Variants in GPC5 observed in about 807,000 individuals in gnomAD.
The protein encoded by GPC5 is glypican-5.
Under a neutral mutation model 53.9 loss-of-function variants are expected in GPC5, and 47 were observed. That is an observed-to-expected ratio of 0.87 (90% CI 0.69 to 1.11). The LOEUF (loss-of-function observed/expected upper bound fraction) is 1.11. GPC5 is among the 50% of genes most tolerant of loss of function. GPC5 has a pLI of 0.00. For missense variants in GPC5, 748 were observed against 713.1 expected, an observed-to-expected ratio of 1.05 and a Z score of -0.56; for synonymous variants, 286 against 263.3, an observed-to-expected ratio of 1.09 and a Z score of -0.84.
intron 3 of GPC5, among the ~76,000 whole-genome samples, chr13:91,712,597 C>T (rs1322942077): frequency 6.6e-6 from 1 of 152,028 alleles, no homozygotes; most frequent in East Asian, 1.9e-4. Flanking sequence ...GATAGAGTGT[C>T]CTTCATTCAC....
intron 7 of GPC5, among the ~76,000 whole-genome samples, chr13:92,404,901 A>G (rs1000118839): frequency 2.7e-5 from 4 of 150,400 alleles, no homozygotes; most frequent in African/African-American, 9.8e-5. Context: ...GTAAATGTAT[A>G]GACAATCCTC....
chr13:91,669,253 G>A (rs779952089), intron 2 of GPC5, among the ~76,000 whole-genome samples: 2 of 152,224 alleles, frequency 1.3e-5, no homozygotes, highest in African/African-American at 4.8e-5. Context: ...CGAGCACACT[G>A]CAAACAAGAG....
chr13:92,351,689 A>T (rs969432235), intron 7 of GPC5, among the ~76,000 whole-genome samples: 1 of 152,262 alleles, frequency 6.6e-6, no homozygotes, highest in Non-Finnish European at 1.5e-5. Flanking sequence ...TAGTACAGAA[A>T]TTTCAGTTGC....
At chr13:91,966,637 GAGT>G (rs2040183357) in intron 6 of GPC5, among the ~76,000 whole-genome samples, 1 of 152,062 alleles carries the variant, frequency 6.6e-6, no homozygotes, top group Non-Finnish European at 1.5e-5. Context: ...AACTTATCAG[GAGT>G]CTAATACCTC....
chr13:92,833,700 C>T (rs1344597342), intron 7 of GPC5, among the ~76,000 whole-genome samples: 2 of 151,996 alleles, frequency 1.3e-5, no homozygotes, highest in African/African-American at 4.8e-5. Flanking sequence ...TATTATGGGA[C>T]ATTATTGCAG....
At chr13:92,414,429 G>A (rs1004078300) in intron 7 of GPC5, among the ~76,000 whole-genome samples, 13 of 151,644 alleles carry the variant, frequency 8.6e-5, no homozygotes, top group South Asian at 8.3e-4. Context: ...CACTTGAACC[G>A]GAGAGGTGGA....
intron 6 of GPC5, among the ~76,000 whole-genome samples, chr13:92,120,106 T>C (rs2041636538): frequency 6.6e-6 from 1 of 152,212 alleles, no homozygotes; most frequent in South Asian, 2.1e-4. Flanking sequence ...AATAAACTGC[T>C]TTAATTACTC....
chr13:92,468,613 T>C (rs766794940), intron 7 of GPC5, among the ~76,000 whole-genome samples: 4 of 152,150 alleles, frequency 2.6e-5, no homozygotes, highest in Non-Finnish European at 5.9e-5. Flanking sequence ...TCCATACTTT[T>C]ACGAGAAGAA....
chr13:91,670,365 C>T (rs2035216209), intron 2 of GPC5, among the ~76,000 whole-genome samples: 1 of 151,890 alleles, frequency 6.6e-6, no homozygotes, highest in South Asian at 2.1e-4. Context: ...AATGTATAGA[C>T]CAGGGTAGTG....
intron 6 of GPC5, among the ~76,000 whole-genome samples, chr13:91,983,110 C>G (rs932088107): frequency 2.0e-5 from 3 of 152,078 alleles, no homozygotes; most frequent in Admixed American, 6.5e-5. Flanking sequence ...CTTTGGGATG[C>G]CGAGACGGGC....
intron 5 of GPC5, among the ~76,000 whole-genome samples, chr13:91,775,392 A>G (rs1303303255): frequency 6.6e-6 from 1 of 152,084 alleles, no homozygotes; most frequent in Non-Finnish European, 1.5e-5. Context: ...TTTATAACAG[A>G]TTCCTAACCT....
chr13:92,723,873 A>G (rs1888568146), intron 7 of GPC5, among the ~76,000 whole-genome samples: 1 of 151,692 alleles, frequency 6.6e-6, no homozygotes, highest in Non-Finnish European at 1.5e-5. Flanking sequence ...TTATAGTATG[A>G]TAGAAAAACA....
chr13:92,848,741 G>C (rs1878691046), intron 7 of GPC5, among the ~76,000 whole-genome samples: 2 of 152,102 alleles, frequency 1.3e-5, no homozygotes, highest in Non-Finnish European at 2.9e-5. Context: ...TAATTGGAAA[G>C]TGTATGAGGA....
chr13:92,280,164 A>AT (rs1297628087), intron 7 of GPC5, among the ~76,000 whole-genome samples: 1 of 151,992 alleles, frequency 6.6e-6, no homozygotes, highest in Non-Finnish European at 1.5e-5. Flanking sequence ...AGATTATCTA[A>AT]TTTGTTGTCA....
chr13:92,260,727 T>C (rs2139141025), intron 7 of GPC5, among the ~76,000 whole-genome samples: 1 of 152,334 alleles, frequency 6.6e-6, no homozygotes, highest in Non-Finnish European at 1.5e-5. Flanking sequence ...CTGTCTCTTC[T>C]CACTTGTTTA....
intron 7 of GPC5, among the ~76,000 whole-genome samples, chr13:92,473,115 G>A (rs373565918): frequency 6.6e-6 from 1 of 151,970 alleles, no homozygotes; most frequent in Non-Finnish European, 1.5e-5. Context: ...TTCCCAGGAT[G>A]GTGGTCTGAA....
At chr13:91,767,583 T>A (rs1000630889) in intron 5 of GPC5, among the ~76,000 whole-genome samples, 3 of 152,158 alleles carry the variant, frequency 2.0e-5, no homozygotes, top group African/African-American at 7.2e-5. Flanking sequence ...GTCATCTCCC[T>A]TTATCCACTG....
At chr13:92,553,180 GA>G (rs1194656564) in intron 7 of GPC5, among the ~76,000 whole-genome samples, 1 of 151,846 alleles carries the variant, frequency 6.6e-6, no homozygotes, top group Non-Finnish European at 1.5e-5. Flanking sequence ...ACAACCTTCA[GA>G]AAACTTTTCT....
chr13:92,744,598 A>G (rs11842408), intron 7 of GPC5, among the ~76,000 whole-genome samples: 40,121 of 151,772 alleles, frequency 0.26, 5,718 homozygotes, highest in East Asian at 0.4. Flanking sequence ...CCAAGGAGAT[A>G]GGATAATGAG....
Sources: gnomAD v4.1 joint callset for allele counts (sites outside exome capture counted in the v4.1 genomes callset) on GRCh38, gnomAD v4.1.1 for gene constraint, MANE v1.5 for transcripts, NCBI Gene and HGNC (gene_info 2026-07-23, HGNC 2026-07-21) for gene names.